Variants in ZNF469 observed in about 807,000 individuals in gnomAD.
ZNF469 encodes zinc finger protein 469.
A neutral mutation model predicts 1.0 loss-of-function variants in ZNF469; 1 was observed. That is an observed-to-expected ratio of 1.00 (90% confidence interval 0.35 to 4.73). ZNF469 has a LOEUF of 4.73. Among genes scored for constraint, ZNF469 ranks in the 30% most tolerant of loss-of-function variants. ZNF469 has a pLI of 0.16. For synonymous variants in ZNF469, 2,703 were observed against 2,363.4 expected (o/e 1.14, Z -4.17); for missense variants, 6,100 against 5,356.3 (o/e 1.14, Z -4.33).
chr16:88,399,936 C>T (rs1904806529), intron 1 of ZNF469, among the ~76,000 whole-genome samples: 1 of 152,240 alleles, frequency 6.6e-6, no homozygotes, highest in Non-Finnish European at 1.5e-5. Flanking sequence ...GAGGCAGACA[C>T]CAGGAGCTCT....
At chr16:88,388,552 C>T (rs1242772671) in intron 1 of ZNF469, among the ~76,000 whole-genome samples, 1 of 152,248 alleles carries the variant, frequency 6.6e-6, no homozygotes, top group Non-Finnish European at 1.5e-5. Flanking sequence ...CCGGGCACTG[C>T]CCACTGGGAG....
At chr16:88,275,705 C>G in the ZNF469 span, among the ~76,000 whole-genome samples, 1 of 152,198 alleles carries the variant, frequency 6.6e-6, no homozygotes, top group African/African-American at 2.4e-5. Context: ...GTGTTTGTCA[C>G]GAGCCTGATT....
chr16:88,218,322 A>T, the ZNF469 span, among the ~76,000 whole-genome samples: 1 of 149,642 alleles, frequency 6.7e-6, no homozygotes, highest in Non-Finnish European at 1.5e-5. Flanking sequence ...GTTTGAGTTC[A>T]TTGTAGATTC....
the ZNF469 span, among the ~76,000 whole-genome samples, chr16:88,171,116 A>ACAAGGTAGGCATTTAG: frequency 6.6e-6 from 1 of 152,252 alleles, no homozygotes; most frequent in Non-Finnish European, 1.5e-5. Flanking sequence ...TAAATAAATA[A>ACAAGGTAGGCATTTAG]CAAGGTAGGC....
the ZNF469 span, among the ~76,000 whole-genome samples, chr16:88,183,254 G>C: frequency 6.6e-6 from 1 of 152,228 alleles, no homozygotes; most frequent in African/African-American, 2.4e-5. Context: ...TTGGAAGACA[G>C]TTGAGCTGAT....
intron 1 of ZNF469, among the ~76,000 whole-genome samples, chr16:88,406,178 C>T (rs1466825952): frequency 6.6e-6 from 1 of 152,180 alleles, no homozygotes; most frequent in Non-Finnish European, 1.5e-5. Flanking sequence ...CCCAGGAAAC[C>T]GCCCTTCCGT....
chr16:88,146,392 A>C, the ZNF469 span, among the ~76,000 whole-genome samples: 3 of 152,094 alleles, frequency 2.0e-5, no homozygotes, highest in Non-Finnish European at 4.4e-5. Context: ...TGGGGTCAGG[A>C]GGAGCCATGC....
At chr16:88,130,706 C>CA in the ZNF469 span, among the ~76,000 whole-genome samples, 1,412 of 103,404 alleles carry the variant, frequency 0.014, 24 homozygotes, top group African/African-American at 0.043. Flanking sequence ...AACTCTGTGT[C>CA]AAAAAAAAAA....
the ZNF469 span, among the ~76,000 whole-genome samples, chr16:88,344,158 G>C: frequency 2.0e-5 from 3 of 151,658 alleles, no homozygotes; most frequent in Non-Finnish European, 4.4e-5. Context: ...AAACAAGGAG[G>C]GTCTGAGAAT....
intron 1 of ZNF469, among the ~76,000 whole-genome samples, chr16:88,416,469 C>T (rs1462442514): frequency 6.6e-6 from 1 of 152,198 alleles, no homozygotes; most frequent in Non-Finnish European, 1.5e-5. Context: ...CACACTGTCA[C>T]ACGTTGTGAT....
chr16:88,304,359 G>A, the ZNF469 span, among the ~76,000 whole-genome samples: 4 of 152,196 alleles, frequency 2.6e-5, no homozygotes, highest in Non-Finnish European at 5.9e-5. Flanking sequence ...GAGTCTGCAC[G>A]GCCAGTACAA....
chr16:88,138,330 T>G, the ZNF469 span, among the ~76,000 whole-genome samples: 4,670 of 152,272 alleles, frequency 0.031, 235 homozygotes, highest in African/African-American at 0.11. Context: ...CTCAGCCCAC[T>G]TTCCCAAATG....
chr16:88,326,253 C>G, the ZNF469 span, among the ~76,000 whole-genome samples: 1 of 152,176 alleles, frequency 6.6e-6, no homozygotes, highest in Admixed American at 6.5e-5. Context: ...CTCATGAGAT[C>G]TGATGGTTTT....
At chr16:88,172,843 C>T in the ZNF469 span, among the ~76,000 whole-genome samples, 1 of 152,084 alleles carries the variant, frequency 6.6e-6, no homozygotes, top group South Asian at 2.1e-4. Flanking sequence ...ATGGGATTCA[C>T]AGAATAGAAG....
chr16:88,387,210 T>C (rs562816915), intron 1 of ZNF469, among the ~76,000 whole-genome samples: 2 of 152,316 alleles, frequency 1.3e-5, no homozygotes, highest in East Asian at 1.9e-4. Flanking sequence ...AACCCCATCC[T>C]GCGTGCCTGC....
At chr16:88,254,727 C>T in the ZNF469 span, among the ~76,000 whole-genome samples, 1 of 152,116 alleles carries the variant, frequency 6.6e-6, no homozygotes, top group Non-Finnish European at 1.5e-5. Context: ...CATTGCACTC[C>T]AGCCTGGGTG....
At chr16:88,294,348 A>G in the ZNF469 span, among the ~76,000 whole-genome samples, 1 of 152,010 alleles carries the variant, frequency 6.6e-6, no homozygotes, top group Non-Finnish European at 1.5e-5. Context: ...CTCCTTCCTT[A>G]CTTCCTTCCA....
At chr16:88,371,665 C>T in the ZNF469 span, among the ~76,000 whole-genome samples, 1 of 152,204 alleles carries the variant, frequency 6.6e-6, no homozygotes, top group African/African-American at 2.4e-5. Context: ...ATTCCTTGTT[C>T]CATCTCTTCC....
chr16:88,425,771 G>A (rs572067393), intron 2 of ZNF469, among the ~76,000 whole-genome samples: 1 of 152,362 alleles, frequency 6.6e-6, no homozygotes, highest in East Asian at 1.9e-4. Flanking sequence ...AAGAGGGAAA[G>A]GGGCCCTCCT....
Sources: allele counts gnomAD v4.1 joint callset (sites outside exome capture counted in the v4.1 genomes callset), GRCh38; gene constraint gnomAD v4.1.1; transcripts MANE v1.5; gene names NCBI Gene and HGNC (gene_info 2026-07-23, HGNC 2026-07-21).